Variants in TSHR observed in about 807,000 individuals in gnomAD.
TSHR encodes thyroid stimulating hormone receptor.
Under a neutral mutation model 64.1 loss-of-function variants are expected in TSHR, and 51 were observed. The ratio of observed to expected loss-of-function variants is 0.80; its 90% confidence interval spans 0.64 to 1.01. The LOEUF (loss-of-function observed/expected upper bound fraction) is 1.01. TSHR is among the 50% of genes least tolerant of loss of function. The pLI is 0.00. For synonymous variants in TSHR, 361 were observed against 361.9 expected, an observed-to-expected ratio of 1.00 and a Z score of 0.03; for missense variants, 877 against 942.8, an observed-to-expected ratio of 0.93 and a Z score of 0.91.
intron 1 of TSHR, among the ~76,000 whole-genome samples, chr14:80,960,788 C>T (rs1886981177): frequency 6.6e-6 from 1 of 152,162 alleles, no homozygotes; most frequent in South Asian, 2.1e-4. Flanking sequence ...TACTGTAGGA[C>T]CAGGCTTTGA....
At chr14:81,055,747 T>C (rs1009603365) in intron 1 of TSHR, among the ~76,000 whole-genome samples, 1 of 152,216 alleles carries the variant, frequency 6.6e-6, no homozygotes, top group African/African-American at 2.4e-5. Flanking sequence ...CCATTTGGAA[T>C]GGCTGTATTT....
At chr14:81,104,923 T>C in intron 7 of TSHR, 1 of 985,452 alleles carries the variant, frequency 1.0e-6, no homozygotes, top group Non-Finnish European at 1.2e-6. Context: ...GTCTATCTTA[T>C]TTTTAAAGGA....
intron 7 of TSHR, chr14:81,102,746 T>C: frequency 1.0e-6 from 1 of 975,178 alleles, no homozygotes; most frequent in Non-Finnish European, 1.2e-6. Context: ...TGGAGGGTCA[T>C]AGTTTGTAGA....
chr14:81,103,496 C>A lies in TSHR; in HGVS notation c.615-4879C>A. On this transcript the variant is annotated intron_variant, in intron 7 of 9. Coordinates refer to ENST00000298171, the MANE Select transcript of TSHR (RefSeq NM_000369.5). This position sits in a 1 kb window ranked among gnomAD's most constrained non-coding sequence, Gnocchi z 4.1. The stretch of plus-strand genomic sequence containing the variant: ...TTTTTTAAAATGTAACTGAATAATA[C>A]AATTACAGCCAAGCTGGACAAATTC... 2.0e-6 allele frequency: 2 copies of A among 985,416 alleles called. No individual in the cohort carries two copies. The highest frequency in any genetic ancestry group is 3.5e-5 in the African/African-American group (2 of 57,354). 61.0% of individuals were successfully genotyped at this position (985,416 alleles called of 1,614,324 possible). A position where few individuals can be genotyped will look rare whatever the true frequency, so the allele number is the denominator to read the frequency against.
chr14:81,110,880 C>G (rs924974944), intron 8 of TSHR, among the ~76,000 whole-genome samples: 1 of 151,652 alleles, frequency 6.6e-6, no homozygotes, highest in Non-Finnish European at 1.5e-5. Flanking sequence ...ACAGCCATAG[C>G]CAAAAGGGTT....
intron 1 of TSHR, among the ~76,000 whole-genome samples, chr14:81,026,168 C>T (rs1010263046): frequency 2.0e-5 from 3 of 152,144 alleles, no homozygotes; most frequent in East Asian, 3.9e-4. Context: ...AATCTTTATC[C>T]GCCATTGAAT....
At chr14:81,027,033 T>C (rs1227733137) in intron 1 of TSHR, among the ~76,000 whole-genome samples, 2 of 121,426 alleles carry the variant, frequency 1.6e-5, no homozygotes, top group East Asian at 4.4e-4. Flanking sequence ...TGAAACTCCA[T>C]CTCAAAAAAA....
In TSHR at chr14:81,143,106, G is replaced by T. The variant is rs374530434; in HGVS notation, c.1048G>T (p.Ala350Ser). 3.1e-6 allele frequency: 5 copies of T among 1,614,018 alleles called. No individual in the cohort carries two copies. Among genetic ancestry groups the T allele is most frequent in the African/African-American group, 1.3e-5 (1 of 74,892 alleles). The change falls in exon 10 of 10, where the codon GCT (alanine) becomes TCT (serine). Residue 350 changes from alanine to serine, a missense_variant. Coordinates refer to ENST00000298171, the MANE Select transcript of TSHR (RefSeq NM_000369.5). ...CAAGTTCCAGGATACTCATAACAAC[G>T]CTCATTATTACGTCTTCTTTGAAGA... ...KSKFQDTHNN[A>S]HYYVFFEEQE...
intron 8 of TSHR, 108 bp downstream of exon 8, chr14:81,108,560 T>C: frequency 1.2e-6 from 2 of 1,612,690 alleles, no homozygotes; most frequent in Non-Finnish European, 1.7e-6. Flanking sequence ...GTAGAAAATG[T>C]TGCTGTCTCG....
At chr14:81,130,583 A>G (rs1310175079) in intron 8 of TSHR, among the ~76,000 whole-genome samples, 1 of 151,974 alleles carries the variant, frequency 6.6e-6, no homozygotes, top group Non-Finnish European at 1.5e-5. Flanking sequence ...CTTTTTATCT[A>G]TATCTTCATT....
rs111754776 is a variant in TSHR at position 81,042,488 on chromosome 14, A to G, written c.171-19660A>G. Among the ~76,000 whole-genome samples, 593 of 152,310 alleles carry G rather than the reference A, an allele frequency of 3.9e-3. 2 individuals are homozygous for G. The highest frequency in any genetic ancestry group is 7.0e-3 in the Non-Finnish European group (477 of 68,006). On this transcript the variant is annotated intron_variant, in intron 1 of 9. Transcript: ENST00000298171. ...GAAGGAAATCTTGTCATTTGGGGTA[A>G]TATGGATTAATCTAGAGGATGTGAT...
chr14:80,983,463 T>C, intron 1 of TSHR: 1 of 1,340,792 alleles, frequency 7.5e-7, no homozygotes, highest in Non-Finnish European at 1.0e-6. Flanking sequence ...ACTGGCAGCA[T>C]CAAAACTCAT....
At position 81,139,352 on chromosome 14, in the gene TSHR, T is replaced by C. The variant is rs184666576; in HGVS notation, c.693-327T>C. 3.6e-3 allele frequency among the ~76,000 whole-genome samples: 550 copies of C among 152,300 alleles called. 10 individuals are homozygous for C. The highest frequency in any genetic ancestry group is 0.031 in the Middle Eastern group (9 of 294). ...TCTCTTGCCTCTTGAGACCCTTTCA[T>C]AGTCACATGGTGGCATGTTGCAGAG... On this transcript the variant is annotated intron_variant, in intron 8 of 9. Transcript: ENST00000298171.
At chr14:81,113,360 T>C (rs1890313583) in intron 8 of TSHR, among the ~76,000 whole-genome samples, 1 of 152,200 alleles carries the variant, frequency 6.6e-6, no homozygotes, top group African/African-American at 2.4e-5. Flanking sequence ...CACTATTTCC[T>C]GAGATAGGGG....
intron 1 of TSHR, chr14:80,982,814 C>T: frequency 1.9e-6 from 1 of 531,260 alleles, no homozygotes; most frequent in South Asian, 3.2e-5. Flanking sequence ...TGCTCACAGC[C>T]CATCCCTGAG....
chr14:81,097,328 A>C (rs770682395), intron 7 of TSHR, among the ~76,000 whole-genome samples: 2 of 151,606 alleles, frequency 1.3e-5, no homozygotes, highest in Non-Finnish European at 2.9e-5. Flanking sequence ...TTGTAATTAT[A>C]TTATTTGTTT....
At chr14:80,973,856 C>A (rs2139707008) in intron 1 of TSHR, among the ~76,000 whole-genome samples, 1 of 152,232 alleles carries the variant, frequency 6.6e-6, no homozygotes, top group South Asian at 2.1e-4. Context: ...ATAAATTATT[C>A]TTCACCTTAT....
At chr14:81,036,805 G>A (rs554057119) in intron 1 of TSHR, among the ~76,000 whole-genome samples, 13 of 152,054 alleles carry the variant, frequency 8.5e-5, no homozygotes, top group South Asian at 4.1e-4. Flanking sequence ...GTTAAAATAC[G>A]TACAGGATAT....
intron 1 of TSHR, among the ~76,000 whole-genome samples, chr14:81,037,477 G>T (rs1884705472): frequency 6.9e-6 from 1 of 144,240 alleles, no homozygotes; most frequent in South Asian, 2.3e-4. Context: ...AAAATGTCAA[G>T]AGTAAGTTCT....
Sources: allele counts gnomAD v4.1 joint callset (sites outside exome capture counted in the v4.1 genomes callset), GRCh38; gene constraint gnomAD v4.1.1; non-coding constraint Gnocchi (gnomAD v3.1); transcripts MANE v1.5; gene names NCBI Gene and HGNC (gene_info 2026-07-23, HGNC 2026-07-21).